SHB: variants seen among roughly 807,000 people sequenced by gnomAD.
SHB encodes the protein SH2 domain containing adaptor protein B, also known as SH2 domain-containing adapter protein B.
Under a neutral mutation model 52.3 loss-of-function variants are expected in SHB, and 20 were observed. That is an observed-to-expected ratio of 0.38 (90% CI 0.27 to 0.56). SHB has a LOEUF of 0.56. Among genes scored for constraint, SHB ranks in the 20% least tolerant of loss-of-function variants. SHB has a pLI of 0.71. For synonymous variants in SHB, 397 were observed against 316.5 expected, an observed-to-expected ratio of 1.25 and a Z score of -2.70; for missense variants, 825 against 723.3, an observed-to-expected ratio of 1.14 and a Z score of -1.61.
At chr9:37,988,355 T>C (rs1820837345) in intron 2 of SHB, among the ~76,000 whole-genome samples, 1 of 152,184 alleles carries the variant, frequency 6.6e-6, no homozygotes. Context: ...CCAGATGATC[T>C]CAGAGGCCTT....
chr9:37,966,202 C>A (rs1465588777), intron 3 of SHB, among the ~76,000 whole-genome samples: 6 of 152,238 alleles, frequency 3.9e-5, no homozygotes, highest in Admixed American at 3.9e-4. Flanking sequence ...GTGAACAAGA[C>A]AGGCAGGGTC....
intron 5 of SHB, among the ~76,000 whole-genome samples, chr9:37,944,551 C>T (rs980340109): frequency 1.3e-5 from 2 of 152,194 alleles, no homozygotes; most frequent in Non-Finnish European, 2.9e-5. Context: ...GTCCCATGGC[C>T]TCCACTCCAG....
chr9:38,048,241 C>T (rs1240842721), intron 1 of SHB, among the ~76,000 whole-genome samples: 1 of 152,098 alleles, frequency 6.6e-6, no homozygotes, highest in East Asian at 1.9e-4. Flanking sequence ...CCAGTGTATA[C>T]ATTTTGGTCG....
At chr9:38,050,706 T>C (rs887863231) in intron 1 of SHB, among the ~76,000 whole-genome samples, 2 of 152,204 alleles carry the variant, frequency 1.3e-5, no homozygotes, top group Admixed American at 6.5e-5. Context: ...TGCTTGAATA[T>C]ATATGGAACT....
chr9:37,978,734 C>T (rs1820685212), intron 2 of SHB, among the ~76,000 whole-genome samples: 1 of 152,142 alleles, frequency 6.6e-6, no homozygotes, highest in South Asian at 2.1e-4. Flanking sequence ...CAGACATCCA[C>T]AACACCAAGA....
chr9:38,017,271 G>A (rs560256531), intron 1 of SHB, among the ~76,000 whole-genome samples: 16 of 152,330 alleles, frequency 1.1e-4, no homozygotes, highest in African/African-American at 3.4e-4. Flanking sequence ...GCTTCTCTTG[G>A]GAGGGGGCAG....
At chr9:38,017,684 A>G (rs7025801) in intron 1 of SHB, among the ~76,000 whole-genome samples, 76,172 of 152,058 alleles carry the variant, frequency 0.5, 19,131 homozygotes, top group Middle Eastern at 0.55. Context: ...CTACTCCACC[A>G]CTTTCTCCGT....
intron 1 of SHB, among the ~76,000 whole-genome samples, chr9:38,057,615 A>G (rs1228265227): frequency 6.6e-6 from 1 of 152,244 alleles, no homozygotes; most frequent in Non-Finnish European, 1.5e-5. Context: ...GCAGTCCCCG[A>G]TCACATGTGT....
chr9:38,021,616 T>C (rs1461926079), intron 1 of SHB, among the ~76,000 whole-genome samples: 1 of 150,920 alleles, frequency 6.6e-6, no homozygotes, highest in East Asian at 2.0e-4. Flanking sequence ...TGCAGTTAGC[T>C]GAGATCGTGC....
At chr9:37,956,651 C>T (rs898135436) in intron 3 of SHB, among the ~76,000 whole-genome samples, 6 of 152,180 alleles carry the variant, frequency 3.9e-5, no homozygotes, top group South Asian at 2.1e-4. Context: ...CTCTTCTCCC[C>T]GCCCTGGGCC....
intron 1 of SHB, among the ~76,000 whole-genome samples, chr9:38,045,432 C>T (rs1260895190): frequency 6.6e-6 from 1 of 151,446 alleles, no homozygotes; most frequent in Admixed American, 6.6e-5. Flanking sequence ...GAGACCCCCC[C>T]CACCCCCAAG....
chr9:37,974,943 A>G (rs1187881438), intron 2 of SHB, 106 bp from the exon 3 acceptor site: 1 of 921,962 alleles, frequency 1.1e-6, no homozygotes. Flanking sequence ...CGGGGAGGTG[A>G]GAACGACAGA....
intron 1 of SHB, among the ~76,000 whole-genome samples, chr9:38,036,030 G>A (rs1226422964): frequency 1.3e-5 from 2 of 152,196 alleles, no homozygotes; most frequent in Non-Finnish European, 2.9e-5. Flanking sequence ...GCGAGGGGAA[G>A]TGACTCGCTC....
chr9:38,004,841 G>A (rs1357187317), intron 2 of SHB, among the ~76,000 whole-genome samples: 1 of 152,248 alleles, frequency 6.6e-6, no homozygotes, highest in Non-Finnish European at 1.5e-5. Flanking sequence ...AGGTGCCAGG[G>A]ACAGGATACA....
At chr9:37,930,229 T>C (rs1341235213) in intron 5 of SHB, among the ~76,000 whole-genome samples, 2 of 152,244 alleles carry the variant, frequency 1.3e-5, no homozygotes, top group Non-Finnish European at 2.9e-5. Flanking sequence ...ACCAACCAGA[T>C]ACTCTGAGAT....
chr9:37,971,332 A>G (rs1820588213), intron 3 of SHB, among the ~76,000 whole-genome samples: 1 of 152,228 alleles, frequency 6.6e-6, no homozygotes, highest in South Asian at 2.1e-4. Context: ...CTGTGGCAAC[A>G]CATCAGCAAT....
chr9:38,035,314 AG>A (rs1167621774), intron 1 of SHB, among the ~76,000 whole-genome samples: 1 of 151,836 alleles, frequency 6.6e-6, no homozygotes, highest in Non-Finnish European at 1.5e-5. Flanking sequence ...TCCCTGTCAC[AG>A]GGGACCTCCA....
chr9:38,040,567 G>A (rs971820903), intron 1 of SHB, among the ~76,000 whole-genome samples: 2 of 152,170 alleles, frequency 1.3e-5, no homozygotes, highest in East Asian at 3.9e-4. Flanking sequence ...AAGCGAGTGG[G>A]CGGGCAGGCA....
intron 1 of SHB, among the ~76,000 whole-genome samples, chr9:38,030,225 G>A (rs1028576733): frequency 1.2e-4 from 19 of 152,190 alleles, no homozygotes; most frequent in Admixed American, 5.2e-4. Flanking sequence ...TCTGGCCTGG[G>A]GCAGGGGACC....
Sources: allele counts gnomAD v4.1 joint callset (sites outside exome capture counted in the v4.1 genomes callset), GRCh38; gene constraint gnomAD v4.1.1; transcripts MANE v1.5; gene names NCBI Gene and HGNC (gene_info 2026-07-23, HGNC 2026-07-21).